CDC14A: variants seen among roughly 807,000 people sequenced by gnomAD.
CDC14A encodes the protein dual specificity protein phosphatase CDC14A.
In CDC14A, 53 loss-of-function variants were observed where a neutral mutation model predicts 74.4. The observed-to-expected ratio is 0.71, with a 90% CI of 0.57 to 0.89. The LOEUF (loss-of-function observed/expected upper bound fraction) is 0.89. Among genes scored for constraint, CDC14A ranks in the 40% least tolerant of loss-of-function variants. The pLI is 0.00. For synonymous variants in CDC14A, 247 were observed against 258.4 expected, an observed-to-expected ratio of 0.96 and a Z score of 0.43; for missense variants, 646 against 713.7, an observed-to-expected ratio of 0.91 and a Z score of 1.08.
At chr1:100,376,064 C>T (rs1040924356) in intron 2 of CDC14A, among the ~76,000 whole-genome samples, 9 of 152,194 alleles carry the variant, frequency 5.9e-5, no homozygotes, top group East Asian at 3.9e-4. Context: ...AATCAAACAC[C>T]GCATGTTCTC....
intron 7 of CDC14A, among the ~76,000 whole-genome samples, chr1:100,446,657 TG>T (rs200650763): frequency 3.2e-4 from 47 of 147,916 alleles, no homozygotes; most frequent in Admixed American, 3.1e-3. Flanking sequence ...CATTTTTTTT[TG>T]AATTAAGCCT....
intron 5 of CDC14A, among the ~76,000 whole-genome samples, chr1:100,436,517 C>T (rs755661926): frequency 5.3e-5 from 8 of 151,902 alleles, no homozygotes; most frequent in African/African-American, 7.3e-5. Flanking sequence ...CTCTGCCTCC[C>T]GGGTTCAAGC....
intron 10 of CDC14A, among the ~76,000 whole-genome samples, chr1:100,482,460 C>A (rs1207185328): frequency 6.6e-6 from 1 of 152,102 alleles, no homozygotes; most frequent in Non-Finnish European, 1.5e-5. Context: ...CTGGGTAAGT[C>A]CTGCTCATCT....
At chr1:100,483,994 G>A (rs1447418742) in intron 10 of CDC14A, among the ~76,000 whole-genome samples, 2 of 152,058 alleles carry the variant, frequency 1.3e-5, no homozygotes, top group African/African-American at 2.4e-5. Flanking sequence ...AAAGACAAAT[G>A]GGCTCATAAT....
chr1:100,471,162 A>AT, intron 10 of CDC14A, among the ~76,000 whole-genome samples: 2 of 152,272 alleles, frequency 1.3e-5, no homozygotes, highest in East Asian at 1.9e-4. Flanking sequence ...GGAAAAAAAA[A>AT]GCCAGACACA....
intron 11 of CDC14A, among the ~76,000 whole-genome samples, chr1:100,494,269 G>A (rs997955999): frequency 1.3e-5 from 2 of 152,152 alleles, no homozygotes; most frequent in African/African-American, 4.8e-5. Context: ...AAACTTTAAA[G>A]AGTTATTTCA....
At chr1:100,345,509 T>G (rs1056308656) in intron 1 of CDC14A, among the ~76,000 whole-genome samples, 6 of 152,266 alleles carry the variant, frequency 3.9e-5, no homozygotes, top group Admixed American at 3.3e-4. Flanking sequence ...TGCATACAGT[T>G]GGTGGGAGAG....
intron 15 of CDC14A, among the ~76,000 whole-genome samples, chr1:100,504,329 G>A (rs1342956451): frequency 6.6e-6 from 1 of 152,142 alleles, no homozygotes; most frequent in Admixed American, 6.6e-5. Flanking sequence ...TTGTCTCTTG[G>A]AATTTTTCCT....
chr1:100,466,493 G>A (rs1368382775), intron 9 of CDC14A, among the ~76,000 whole-genome samples: 2 of 152,150 alleles, frequency 1.3e-5, no homozygotes, highest in South Asian at 2.1e-4. Flanking sequence ...ATTGATGTTT[G>A]ATCTGGGGCA....
chr1:100,377,901 A>C (rs1655510705), intron 3 of CDC14A, among the ~76,000 whole-genome samples: 1 of 152,224 alleles, frequency 6.6e-6, no homozygotes, highest in Non-Finnish European at 1.5e-5. Context: ...GGCTGTTGTT[A>C]ATGAGTCTCT....
intron 4 of CDC14A, chr1:100,394,107 C>CTTAT (rs1433758020): frequency 1.1e-5 from 1 of 94,250 alleles, no homozygotes; most frequent in African/African-American, 1.5e-4. Context: ...CTCTTCTTTC[C>CTTAT]TTACTTATTT....
At chr1:100,435,416 G>A (rs1218333574) in intron 5 of CDC14A, among the ~76,000 whole-genome samples, 2 of 152,102 alleles carry the variant, frequency 1.3e-5, no homozygotes, top group African/African-American at 2.4e-5. Context: ...AGGAGAATGG[G>A]GAGTGACTGC....
At chr1:100,464,006 G>A (rs1016783089) in intron 9 of CDC14A, among the ~76,000 whole-genome samples, 1 of 152,150 alleles carries the variant, frequency 6.6e-6, no homozygotes, top group East Asian at 1.9e-4. Context: ...CATGTGCCTA[G>A]TGCTGCTGTA....
At chr1:100,374,415 C>T (rs920856898) in intron 2 of CDC14A, among the ~76,000 whole-genome samples, 4 of 152,186 alleles carry the variant, frequency 2.6e-5, no homozygotes, top group Non-Finnish European at 5.9e-5. Context: ...AGTTTACAGT[C>T]CCACCAACAG....
At chr1:100,498,568 T>A (rs1241331603) in intron 14 of CDC14A, among the ~76,000 whole-genome samples, 4 of 152,202 alleles carry the variant, frequency 2.6e-5, no homozygotes, top group Admixed American at 2.6e-4. Flanking sequence ...TGTGATTGAA[T>A]ATGTACTTAA....
At chr1:100,475,887 G>A (rs1162722411) in intron 10 of CDC14A, among the ~76,000 whole-genome samples, 1 of 152,130 alleles carries the variant, frequency 6.6e-6, no homozygotes, top group Non-Finnish European at 1.5e-5. Context: ...GAAATTGGGG[G>A]ATCTCATTAT....
chr1:100,388,999 A>G (rs1657267076), intron 3 of CDC14A, among the ~76,000 whole-genome samples: 1 of 151,702 alleles, frequency 6.6e-6, no homozygotes, highest in South Asian at 2.1e-4. Flanking sequence ...ACATGGTAAG[A>G]CCTCACCTCT....
intron 2 of CDC14A, among the ~76,000 whole-genome samples, chr1:100,364,450 G>A (rs186735259): frequency 1.3e-4 from 19 of 151,924 alleles, no homozygotes; most frequent in African/African-American, 4.4e-4. Flanking sequence ...TTGACCTCGT[G>A]ATCCGCCCGC....
chr1:100,405,576 G>A (rs531553512), intron 4 of CDC14A, among the ~76,000 whole-genome samples: 2 of 152,230 alleles, frequency 1.3e-5, no homozygotes, highest in East Asian at 3.9e-4. Context: ...TTCACTATGC[G>A]TTCATGTGTG....
Sources: allele counts gnomAD v4.1 joint callset (sites outside exome capture counted in the v4.1 genomes callset), GRCh38; gene constraint gnomAD v4.1.1; transcripts MANE v1.5; gene names NCBI Gene and HGNC (gene_info 2026-07-23, HGNC 2026-07-21).